AGBL1: variants seen among roughly 807,000 people sequenced by gnomAD.
AGBL1 encodes the protein cytosolic carboxypeptidase 4.
In AGBL1, 130 loss-of-function variants were observed where a neutral mutation model predicts 118.9. That is an observed-to-expected ratio of 1.09 (90% confidence interval 0.95 to 1.26). The LOEUF (loss-of-function observed/expected upper bound fraction) is 1.26. AGBL1 is among the 50% of genes most tolerant of loss of function. The pLI is 0.00. For synonymous variants in AGBL1, 555 were observed against 478.9 expected (o/e 1.16, Z -2.08); for missense variants, 1,584 against 1,298.1 (o/e 1.22, Z -3.38).
chr15:86,519,731 A>G (rs1448730003), intron 18 of AGBL1, among the ~76,000 whole-genome samples: 1 of 151,668 alleles, frequency 6.6e-6, no homozygotes. Context: ...AATCCACACA[A>G]CCTATCTACA....
chr15:86,776,796 G>C (rs962356976), intron 22 of AGBL1, among the ~76,000 whole-genome samples: 9 of 148,524 alleles, frequency 6.1e-5, no homozygotes, highest in East Asian at 4.0e-4. Flanking sequence ...GTGTGAGAGA[G>C]AGAGAGAATT....
At position 86,262,856 on chromosome 15, in the gene AGBL1, T is replaced by C. The variant is rs2079014921; in HGVS notation, c.1048T>C (p.Tyr350His). 2.5e-6 allele frequency: 4 copies of C among 1,610,444 alleles called. No homozygotes were observed. In the East Asian group the frequency reaches 6.7e-5, roughly 27 times the overall value. The change falls in exon 10 of 23, where the codon TAT becomes CAT. Residue 350 changes from tyrosine (Y) to histidine (H), a missense_variant. By Grantham distance (83) the Tyr-to-His change is moderately conservative. Coordinates refer to ENST00000614907, the MANE Select transcript of AGBL1 (RefSeq NM_001386094.1). Reference protein sequence around the residue: ...LDRPEEELMQYEVMCLELSYS... With the variant: ...LDRPEEELMQHEVMCLELSYS... ...CCGACCTGAAGAGGAACTGATGCAA[T>C]ATGAGGTGATGTGTCTTGAGCTCTC...
At chr15:86,737,694 C>T (rs534735438) in intron 22 of AGBL1, among the ~76,000 whole-genome samples, 1 of 152,192 alleles carries the variant, frequency 6.6e-6, no homozygotes, top group South Asian at 2.1e-4. Context: ...GGTAAAGATC[C>T]CACATACTGC....
chr15:86,301,250 A>G (rs540592663), intron 17 of AGBL1, among the ~76,000 whole-genome samples: 63 of 152,238 alleles, frequency 4.1e-4, no homozygotes, highest in African/African-American at 1.5e-3. Context: ...AGAGCTTAAC[A>G]ATCCATAAAG....
intron 1 of AGBL1, among the ~76,000 whole-genome samples, chr15:86,086,808 C>T (rs530197392): frequency 7.2e-5 from 11 of 152,206 alleles, no homozygotes; most frequent in South Asian, 6.2e-4. Context: ...GTAGATGGTT[C>T]GTTCTGATTG....
chr15:86,999,561 A>AT (rs950618102), intron 24 of AGBL1, among the ~76,000 whole-genome samples: 1 of 148,442 alleles, frequency 6.7e-6, no homozygotes, highest in African/African-American at 2.6e-5. Context: ...TGAACTCATC[A>AT]TTTTTTATGG....
chr15:86,503,725 T>C (rs1010448645), intron 18 of AGBL1, among the ~76,000 whole-genome samples: 1 of 151,468 alleles, frequency 6.6e-6, no homozygotes. Context: ...AATTTCCATG[T>C]GCTTATAAAT....
At chr15:86,849,049 A>T (rs542899393) in intron 22 of AGBL1, among the ~76,000 whole-genome samples, 2 of 152,226 alleles carry the variant, frequency 1.3e-5, no homozygotes, top group Non-Finnish European at 2.9e-5. Flanking sequence ...TCTGGATCCA[A>T]TGCTCAGTGT....
intron 18 of AGBL1, among the ~76,000 whole-genome samples, chr15:86,477,148 A>G (rs2082571753): frequency 6.6e-6 from 1 of 152,114 alleles, no homozygotes; most frequent in South Asian, 2.1e-4. Flanking sequence ...TAAAACTGAC[A>G]CCCTAACATC....
intron 18 of AGBL1, among the ~76,000 whole-genome samples, chr15:86,507,819 A>G (rs1273778351): frequency 1.3e-5 from 2 of 152,096 alleles, no homozygotes; most frequent in African/African-American, 4.8e-5. Flanking sequence ...TGGTTTCTGT[A>G]TATACTAAAT....
chr15:86,823,351 A>G (rs1377748530), intron 22 of AGBL1, among the ~76,000 whole-genome samples: 1 of 152,174 alleles, frequency 6.6e-6, no homozygotes, highest in South Asian at 2.1e-4. Context: ...TGAGTTCCTC[A>G]GGCCAGTAGA....
At chr15:86,148,136 CA>C (rs1236474346) in intron 3 of AGBL1, among the ~76,000 whole-genome samples, 1 of 152,190 alleles carries the variant, frequency 6.6e-6, no homozygotes. Context: ...TCACCAACGT[CA>C]AAGACCAAAG....
At chr15:86,927,647 G>T (rs1475046567) in intron 23 of AGBL1, among the ~76,000 whole-genome samples, 3 of 152,126 alleles carry the variant, frequency 2.0e-5, no homozygotes, top group East Asian at 3.9e-4. Flanking sequence ...TAGGCAGAAG[G>T]CTATAATGAA....
chr15:86,235,830 G>A (rs1567145323), intron 6 of AGBL1, among the ~76,000 whole-genome samples: 1 of 152,324 alleles, frequency 6.6e-6, no homozygotes, highest in East Asian at 1.9e-4. Context: ...ATCTGTGGTG[G>A]GAGAGGGTGT....
intron 23 of AGBL1, among the ~76,000 whole-genome samples, chr15:86,953,754 T>C (rs539382336): frequency 1.4e-3 from 218 of 152,298 alleles, no homozygotes; most frequent in Non-Finnish European, 2.7e-3. Flanking sequence ...ATGCTACTGA[T>C]TTTTGTACAC....
intron 18 of AGBL1, among the ~76,000 whole-genome samples, chr15:86,474,462 G>A (rs182620548): frequency 8.7e-4 from 132 of 152,284 alleles, no homozygotes; most frequent in Non-Finnish European, 1.4e-3. Flanking sequence ...CCACACCCAC[G>A]GAGCCTCACT....
At chr15:86,812,442 C>T (rs2078802139) in intron 22 of AGBL1, among the ~76,000 whole-genome samples, 1 of 152,160 alleles carries the variant, frequency 6.6e-6, no homozygotes, top group Non-Finnish European at 1.5e-5. Flanking sequence ...ATTAAATTCA[C>T]CTATGGAGTT....
At chr15:86,750,194 T>TA (rs1175998705) in intron 22 of AGBL1, among the ~76,000 whole-genome samples, 2 of 152,120 alleles carry the variant, frequency 1.3e-5, no homozygotes, top group Admixed American at 6.6e-5. Context: ...TGTATATATA[T>TA]GTAATTATTA....
At chr15:86,602,847 G>A (rs1213255678) in intron 21 of AGBL1, among the ~76,000 whole-genome samples, 5 of 152,140 alleles carry the variant, frequency 3.3e-5, no homozygotes, top group South Asian at 4.1e-4. Flanking sequence ...TCTTGAAGTC[G>A]ATATCAAAAG....
Sources: gnomAD v4.1 joint callset for allele counts (sites outside exome capture counted in the v4.1 genomes callset) on GRCh38, gnomAD v4.1.1 for gene constraint, MANE v1.5 for transcripts, NCBI Gene and HGNC (gene_info 2026-07-23, HGNC 2026-07-21) for gene names.